Variants in PRR16 observed in about 807,000 individuals in gnomAD.
PRR16 encodes protein Largen.
In PRR16, 6 loss-of-function variants were observed where a neutral mutation model predicts 18.2. The observed-to-expected ratio is 0.33, with a 90% confidence interval of 0.18 to 0.65. PRR16 has a LOEUF of 0.65. Ranked by LOEUF, PRR16 falls within the 30% of genes least tolerant of loss-of-function variation. The pLI, the probability that PRR16 is intolerant of heterozygous loss-of-function variation, is 0.74. For missense variants in PRR16, 412 were observed against 376.6 expected, an observed-to-expected ratio of 1.09 and a Z score of -0.78; for synonymous variants, 151 against 147.8, an observed-to-expected ratio of 1.02 and a Z score of -0.16.
At chr5:120,719,511 CAG>C in the PRR16 span, among the ~76,000 whole-genome samples, 1 of 151,948 alleles carries the variant, frequency 6.6e-6, no homozygotes, top group Non-Finnish European at 1.5e-5. Flanking sequence ...CGCAAAAGGA[CAG>C]AGAGATATGA....
chr5:120,763,133 A>G, the PRR16 span, among the ~76,000 whole-genome samples: 2 of 148,382 alleles, frequency 1.3e-5, no homozygotes, highest in Non-Finnish European at 3.0e-5. Flanking sequence ...CCTTTTGTCT[A>G]TGTGTCCATT....
intron 1 of PRR16, among the ~76,000 whole-genome samples, chr5:120,656,630 A>C (rs986867318): frequency 6.6e-6 from 1 of 152,006 alleles, no homozygotes; most frequent in Non-Finnish European, 1.5e-5. Flanking sequence ...ATTTATGTAC[A>C]CCTTGCCAAA....
At chr5:120,635,587 C>T (rs1193260068) in intron 1 of PRR16, among the ~76,000 whole-genome samples, 1 of 152,078 alleles carries the variant, frequency 6.6e-6, no homozygotes, top group Non-Finnish European at 1.5e-5. Context: ...AATTAAAAAT[C>T]TTAGCAAAAT....
At chr5:120,486,542 A>G (rs904184234) in intron 1 of PRR16, among the ~76,000 whole-genome samples, 1 of 152,026 alleles carries the variant, frequency 6.6e-6, no homozygotes, top group Non-Finnish European at 1.5e-5. Context: ...GATGCTGGAT[A>G]TTAGCCCTTT....
At chr5:120,583,349 G>GTA (rs1262448191) in intron 1 of PRR16, among the ~76,000 whole-genome samples, 1 of 130,010 alleles carries the variant, frequency 7.7e-6, no homozygotes, top group Non-Finnish European at 1.6e-5. Flanking sequence ...GTGTGTGTGT[G>GTA]CAAGTAATCC....
At chr5:120,721,496 C>T in the PRR16 span, among the ~76,000 whole-genome samples, 1 of 151,650 alleles carries the variant, frequency 6.6e-6, no homozygotes, top group African/African-American at 2.4e-5. Context: ...AGAGACTAAG[C>T]GATGCAATTA....
At chr5:120,469,074 G>A (rs561723993) in intron 1 of PRR16, among the ~76,000 whole-genome samples, 2 of 152,274 alleles carry the variant, frequency 1.3e-5, no homozygotes, top group South Asian at 4.1e-4. Context: ...GGCATAAACT[G>A]AAATAAATTT....
At chr5:120,631,523 A>G (rs559035717) in intron 1 of PRR16, among the ~76,000 whole-genome samples, 1 of 152,254 alleles carries the variant, frequency 6.6e-6, no homozygotes, top group South Asian at 2.1e-4. Flanking sequence ...TAGGACTGCC[A>G]GCTGCATGGG....
At chr5:120,745,644 CTTTGTTTTGT>C in the PRR16 span, among the ~76,000 whole-genome samples, 177 of 151,188 alleles carry the variant, frequency 1.2e-3, 1 homozygote, top group Middle Eastern at 6.8e-3. Flanking sequence ...GTGTTTGTTG[CTTTGTTTTGT>C]TTTGTTTTGT....
chr5:120,558,121 C>T (rs761024014), intron 1 of PRR16, among the ~76,000 whole-genome samples: 1 of 151,836 alleles, frequency 6.6e-6, no homozygotes, highest in Non-Finnish European at 1.5e-5. Context: ...TCTCCTAAAG[C>T]ATTTATCCTT....
chr5:120,701,695 T>G, the PRR16 span, among the ~76,000 whole-genome samples: 7 of 151,650 alleles, frequency 4.6e-5, no homozygotes, highest in South Asian at 1.5e-3. Flanking sequence ...AAAGGAAGAT[T>G]AGAAAGACTC....
At chr5:120,571,513 G>A (rs1010632734) in intron 1 of PRR16, among the ~76,000 whole-genome samples, 1 of 152,134 alleles carries the variant, frequency 6.6e-6, no homozygotes, top group Admixed American at 6.6e-5. Context: ...ATTAATCTTA[G>A]TGAGACAGGA....
chr5:120,596,971 T>C lies in PRR16; in HGVS notation c.160-88983T>C, dbSNP rs147485155. Among the ~76,000 whole-genome samples, 472 of 151,874 alleles carry C rather than the reference T, an allele frequency of 3.1e-3. 12 individuals carry two copies. The East Asian group carries it at 0.053, about 17-fold the overall frequency. ...TATGAAGGGCATTACATCCTATACA[T>C]ATACAAAAATTTATTTATCTACTCA... On this transcript the variant is annotated intron_variant, in intron 1 of 1. Transcript: ENST00000407149.
chr5:120,492,806 T>C (rs933796013), intron 1 of PRR16, among the ~76,000 whole-genome samples: 1 of 152,184 alleles, frequency 6.6e-6, no homozygotes, highest in Non-Finnish European at 1.5e-5. Flanking sequence ...TGAGGACATA[T>C]GGTATTTGGT....
intron 1 of PRR16, among the ~76,000 whole-genome samples, chr5:120,679,839 G>A (rs567266780): frequency 6.6e-6 from 1 of 152,260 alleles, no homozygotes; most frequent in South Asian, 2.1e-4. Flanking sequence ...ACCATGGTCT[G>A]AGTTGGGGGA....
the PRR16 span, among the ~76,000 whole-genome samples, chr5:120,698,508 A>ACTGG: frequency 1.7e-5 from 2 of 118,834 alleles, no homozygotes; most frequent in African/African-American, 3.3e-5. Flanking sequence ...GCTTGGAGAA[A>ACTGG]CAGTGTAAAC....
intron 1 of PRR16, among the ~76,000 whole-genome samples, chr5:120,668,010 G>T (rs994763675): frequency 6.6e-6 from 1 of 152,196 alleles, no homozygotes; most frequent in African/African-American, 2.4e-5. Context: ...GGGTATCCTT[G>T]TTAACTTTCT....
At chr5:120,643,811 C>T (rs966434867) in intron 1 of PRR16, among the ~76,000 whole-genome samples, 2 of 151,924 alleles carry the variant, frequency 1.3e-5, no homozygotes, top group Non-Finnish European at 2.9e-5. Context: ...TCAAGACCAA[C>T]GTGGCCAACA....
chr5:120,554,939 G>C (rs1463007569), intron 1 of PRR16, among the ~76,000 whole-genome samples: 1 of 151,940 alleles, frequency 6.6e-6, no homozygotes, highest in Non-Finnish European at 1.5e-5. Context: ...GCATGAGAGA[G>C]ACACTCTCCA....
Sources: allele counts gnomAD v4.1 joint callset (sites outside exome capture counted in the v4.1 genomes callset), GRCh38; gene constraint gnomAD v4.1.1; transcripts MANE v1.5; gene names NCBI Gene and HGNC (gene_info 2026-07-23, HGNC 2026-07-21).